Variants in MAF observed in about 807,000 individuals in gnomAD.
The protein encoded by MAF is MAF bZIP transcription factor.
MAF carries 10 observed loss-of-function variants against 22.0 expected under a neutral mutation model. That is an observed-to-expected ratio of 0.45 (90% confidence interval 0.28 to 0.77). The LOEUF is 0.77. MAF is among the 30% of genes least tolerant of loss of function. The pLI is 0.12. For missense variants in MAF, 544 were observed against 548.4 expected (o/e 0.99, Z 0.08); for synonymous variants, 337 against 255.8 (o/e 1.32, Z -3.03).
chr16:79,513,557 A>T, the MAF span, among the ~76,000 whole-genome samples: 1 of 151,804 alleles, frequency 6.6e-6, no homozygotes, highest in Non-Finnish European at 1.5e-5. Context: ...GGTTGTGAGC[A>T]GTGTTTCTGA....
chr16:79,368,733 C>T, the MAF span, among the ~76,000 whole-genome samples: 1 of 152,110 alleles, frequency 6.6e-6, no homozygotes, highest in East Asian at 1.9e-4. Flanking sequence ...TGCTTAAACT[C>T]CTGCCTCGGG....
the MAF span, among the ~76,000 whole-genome samples, chr16:79,334,859 G>A: frequency 0.69 from 91,111 of 132,528 alleles, 30,750 homozygotes; most frequent in Non-Finnish European, 0.79. Context: ...GTGTGTGTGT[G>A]TGTATGTGTG....
chr16:79,348,769 A>C, the MAF span, among the ~76,000 whole-genome samples: 1 of 152,300 alleles, frequency 6.6e-6, no homozygotes, highest in East Asian at 1.9e-4. Context: ...AAGCAATTCT[A>C]GTGATTCTTA....
chr16:79,287,226 G>A, the MAF span, among the ~76,000 whole-genome samples: 2 of 151,836 alleles, frequency 1.3e-5, no homozygotes, highest in African/African-American at 4.8e-5. Flanking sequence ...AATTGGATAT[G>A]GTGTTCTCTT....
chr16:79,446,393 C>T, the MAF span, among the ~76,000 whole-genome samples: 2 of 152,074 alleles, frequency 1.3e-5, no homozygotes, highest in African/African-American at 4.8e-5. Context: ...TCTCTGTTTG[C>T]CTAGGACAGC....
the MAF span, among the ~76,000 whole-genome samples, chr16:79,295,622 C>G: frequency 6.6e-6 from 1 of 152,166 alleles, no homozygotes. Context: ...AGCTTTTAGG[C>G]TAAATTTGTT....
chr16:79,417,480 T>C, the MAF span, among the ~76,000 whole-genome samples: 1 of 152,218 alleles, frequency 6.6e-6, no homozygotes, highest in Admixed American at 6.5e-5. Context: ...GTTCAAGTCA[T>C]GCTATTTGGA....
chr16:79,441,347 A>T, the MAF span, among the ~76,000 whole-genome samples: 1 of 152,234 alleles, frequency 6.6e-6, no homozygotes, highest in Non-Finnish European at 1.5e-5. Flanking sequence ...AAAATGGGGA[A>T]AGAGAAGGTA....
the MAF span, among the ~76,000 whole-genome samples, chr16:79,494,201 G>T: frequency 6.6e-6 from 1 of 152,196 alleles, no homozygotes; most frequent in Admixed American, 6.5e-5. Flanking sequence ...CCACGGGTCA[G>T]AAGTCCAGTA....
the MAF span, among the ~76,000 whole-genome samples, chr16:79,538,407 C>G: frequency 6.6e-6 from 1 of 152,044 alleles, no homozygotes; most frequent in Non-Finnish European, 1.5e-5. Flanking sequence ...CAAATAAATT[C>G]TAAATGCACT....
downstream of MAF, among the ~76,000 whole-genome samples, chr16:79,583,699 T>C (rs1031339952): frequency 7.2e-5 from 11 of 152,224 alleles, no homozygotes; most frequent in African/African-American, 2.7e-4. Flanking sequence ...AGTTGTGTTG[T>C]CTCCTTGTCA....
the MAF span, chr16:79,211,715 T>G: frequency 1.2e-6 from 2 of 1,614,146 alleles, no homozygotes; most frequent in Admixed American, 3.3e-5. Context: ...CACCAGAAGC[T>G]CAGAGCGAAG....
chr16:79,486,931 G>T, the MAF span, among the ~76,000 whole-genome samples: 1 of 152,108 alleles, frequency 6.6e-6, no homozygotes, highest in Non-Finnish European at 1.5e-5. Flanking sequence ...ATTTTGAGTA[G>T]ACTAGTCAAC....
At chr16:79,300,619 T>G in the MAF span, among the ~76,000 whole-genome samples, 1 of 150,208 alleles carries the variant, frequency 6.7e-6, no homozygotes, top group Admixed American at 6.6e-5. Context: ...TATACTAGGG[T>G]TTTTGCAAGT....
chr16:79,362,198 A>C, the MAF span, among the ~76,000 whole-genome samples: 1 of 152,228 alleles, frequency 6.6e-6, no homozygotes, highest in Non-Finnish European at 1.5e-5. Context: ...CAAGGTAAGT[A>C]TGTAGACAAA....
At chr16:79,269,091 C>T in the MAF span, among the ~76,000 whole-genome samples, 1 of 152,066 alleles carries the variant, frequency 6.6e-6, no homozygotes, top group Non-Finnish European at 1.5e-5. Flanking sequence ...GTCTTGTAAC[C>T]CTGGGACCTG....
chr16:79,481,539 A>G, the MAF span, among the ~76,000 whole-genome samples: 3 of 151,460 alleles, frequency 2.0e-5, no homozygotes, highest in African/African-American at 7.3e-5. Context: ...AAATTCATCC[A>G]CCCATTGACT....
At chr16:79,547,285 A>G in the MAF span, among the ~76,000 whole-genome samples, 2 of 152,034 alleles carry the variant, frequency 1.3e-5, no homozygotes, top group Non-Finnish European at 2.9e-5. Flanking sequence ...ACACACGCAC[A>G]TACACACACA....
the MAF span, among the ~76,000 whole-genome samples, chr16:79,381,182 G>A: frequency 3.3e-5 from 5 of 151,986 alleles, no homozygotes; most frequent in East Asian, 9.8e-4. Flanking sequence ...GCATGTGCCT[G>A]CTTTCCCTAC....
Sources: allele counts gnomAD v4.1 joint callset (sites outside exome capture counted in the v4.1 genomes callset), GRCh38; gene constraint gnomAD v4.1.1; transcripts MANE v1.5; gene names NCBI Gene and HGNC (gene_info 2026-07-23, HGNC 2026-07-21).